Variants in SLC39A11 observed in about 807,000 individuals in gnomAD.
The protein encoded by SLC39A11 is zinc transporter ZIP11.
Under a neutral mutation model 36.1 loss-of-function variants are expected in SLC39A11, and 33 were observed. The observed-to-expected ratio is 0.91, with a 90% CI of 0.69 to 1.22. The LOEUF (loss-of-function observed/expected upper bound fraction) is 1.22, where lower values mean the gene tolerates loss of function less well. Among genes scored for constraint, SLC39A11 ranks in the 50% most tolerant of loss-of-function variants. SLC39A11 has a pLI of 0.00. For missense variants in SLC39A11, 432 were observed against 430.3 expected, an observed-to-expected ratio of 1.00 and a Z score of -0.03; for synonymous variants, 166 against 170.3, an observed-to-expected ratio of 0.97 and a Z score of 0.20.
intron 5 of SLC39A11, among the ~76,000 whole-genome samples, chr17:72,898,177 T>C (rs1442193233): frequency 6.6e-6 from 1 of 152,072 alleles, no homozygotes; most frequent in Non-Finnish European, 1.5e-5. Context: ...CCAGTTCCAG[T>C]GGACAGATGG....
chr17:72,784,878 T>A (rs1346610050), intron 6 of SLC39A11, among the ~76,000 whole-genome samples: 6 of 129,208 alleles, frequency 4.6e-5, no homozygotes, highest in East Asian at 4.3e-4. Flanking sequence ...TTTTTTTTTT[T>A]AGATGGAATC....
chr17:72,971,159 A>G (rs915623940), intron 4 of SLC39A11, among the ~76,000 whole-genome samples: 8 of 152,206 alleles, frequency 5.3e-5, no homozygotes, highest in African/African-American at 1.9e-4. Flanking sequence ...TAAAATGCAA[A>G]TAACCACTCA....
At chr17:73,036,569 C>A (rs543009263) in intron 3 of SLC39A11, among the ~76,000 whole-genome samples, 9 of 152,282 alleles carry the variant, frequency 5.9e-5, no homozygotes, top group Non-Finnish European at 1.3e-4. Context: ...GCCTCAGCCT[C>A]CTGAGCAGCT....
intron 5 of SLC39A11, among the ~76,000 whole-genome samples, chr17:72,867,623 G>C (rs1219024417): frequency 6.6e-6 from 1 of 152,124 alleles, no homozygotes; most frequent in Non-Finnish European, 1.5e-5. Context: ...ATCCACTGAA[G>C]TACTAAAAAA....
At chr17:72,777,596 A>G (rs2076177364) in intron 6 of SLC39A11, among the ~76,000 whole-genome samples, 1 of 152,174 alleles carries the variant, frequency 6.6e-6, no homozygotes, top group Non-Finnish European at 1.5e-5. Context: ...GCTAAGTTAC[A>G]CCAAGAATTA....
At chr17:72,908,223 C>G (rs557475895) in intron 5 of SLC39A11, among the ~76,000 whole-genome samples, 21 of 152,352 alleles carry the variant, frequency 1.4e-4, no homozygotes, top group Admixed American at 5.9e-4. Flanking sequence ...GGGATGTTAA[C>G]CAGCCAGCCT....
intron 3 of SLC39A11, among the ~76,000 whole-genome samples, chr17:73,055,171 G>A (rs1458364988): frequency 6.6e-4 from 100 of 152,314 alleles, no homozygotes; most frequent in Non-Finnish European, 1.5e-5. Flanking sequence ...GGAAGAGAAG[G>A]GCTCTTCTGG....
rs575946321 is a variant in SLC39A11, at chr17:72,845,864, C to T, written c.601+3770G>A. 2.0e-5 allele frequency among the ~76,000 whole-genome samples: 3 copies of T among 152,258 alleles called. No homozygotes were observed. The South Asian group carries it at 6.2e-4, about 32-fold the overall frequency. Reference sequence around the variant, plus strand: ...ACCATGCTTCTGGTGAAATCTAACTCAATTGAGATTCCTGGAAGGCACTCA... The same window carrying T: ...ACCATGCTTCTGGTGAAATCTAACTTAATTGAGATTCCTGGAAGGCACTCA... On this transcript the variant is annotated intron_variant, in intron 6 of 9. Coordinates refer to ENST00000255559, the MANE Select transcript of SLC39A11 (RefSeq NM_139177.4).
intron 6 of SLC39A11, among the ~76,000 whole-genome samples, chr17:72,738,206 G>T (rs981580235): frequency 2.0e-5 from 3 of 151,986 alleles, no homozygotes; most frequent in African/African-American, 7.2e-5. Flanking sequence ...GGCTTTCACC[G>T]TGTTAGCCAG....
intron 6 of SLC39A11, among the ~76,000 whole-genome samples, chr17:72,792,052 A>C (rs560642495): frequency 6.6e-6 from 1 of 152,300 alleles, no homozygotes; most frequent in South Asian, 2.1e-4. Context: ...TCATTTTCAC[A>C]AGTTGTTCTG....
chr17:72,897,918 G>C (rs1403919008), intron 5 of SLC39A11, among the ~76,000 whole-genome samples: 1 of 152,108 alleles, frequency 6.6e-6, no homozygotes, highest in African/African-American at 2.4e-5. Context: ...TGGAAGGTGA[G>C]ACCTGGAGGA....
chr17:72,925,526 A>C (rs911838921), intron 5 of SLC39A11, among the ~76,000 whole-genome samples: 18 of 152,154 alleles, frequency 1.2e-4, no homozygotes, highest in African/African-American at 4.3e-4. Flanking sequence ...CCAGCTCTTC[A>C]TATCTGTGTG....
At chr17:72,783,571 AC>A (rs564107297) in intron 6 of SLC39A11, among the ~76,000 whole-genome samples, 41 of 152,354 alleles carry the variant, frequency 2.7e-4, no homozygotes, top group Non-Finnish European at 5.1e-4. Flanking sequence ...AAACGAAATG[AC>A]CCAGAACAGA....
chr17:72,996,708 AC>A (rs1394420853), intron 4 of SLC39A11, among the ~76,000 whole-genome samples: 1 of 152,162 alleles, frequency 6.6e-6, no homozygotes, highest in Non-Finnish European at 1.5e-5. Context: ...TTAACTAATT[AC>A]ATCTGCAAAG....
intron 4 of SLC39A11, among the ~76,000 whole-genome samples, chr17:72,971,766 C>T (rs1420090775): frequency 7.2e-6 from 1 of 139,772 alleles, no homozygotes; most frequent in Non-Finnish European, 1.5e-5. Context: ...CACAAGTGGG[C>T]TTACAACACC....
At chr17:73,083,255 T>C (rs1042326412) in intron 3 of SLC39A11, among the ~76,000 whole-genome samples, 1 of 152,206 alleles carries the variant, frequency 6.6e-6, no homozygotes, top group Non-Finnish European at 1.5e-5. Flanking sequence ...ACAGCAGTTA[T>C]AGGGAAGAGA....
At chr17:72,724,314 T>A (rs1291919930) in intron 7 of SLC39A11, among the ~76,000 whole-genome samples, 2 of 152,120 alleles carry the variant, frequency 1.3e-5, no homozygotes, top group Non-Finnish European at 1.5e-5. Flanking sequence ...GCTCCTTTCA[T>A]TTGAGTTTTC....
intron 7 of SLC39A11, among the ~76,000 whole-genome samples, chr17:72,654,729 C>T (rs1254253136): frequency 6.6e-6 from 1 of 152,210 alleles, no homozygotes; most frequent in Non-Finnish European, 1.5e-5. Flanking sequence ...CTTTGCCAGG[C>T]ACTTGGTGGC....
chr17:72,818,212 T>C (rs529892200), intron 6 of SLC39A11, among the ~76,000 whole-genome samples: 1 of 152,326 alleles, frequency 6.6e-6, no homozygotes, highest in East Asian at 1.9e-4. Context: ...GTGTCTTCTT[T>C]TGTCCAGCCT....
Sources: allele counts gnomAD v4.1 joint callset (sites outside exome capture counted in the v4.1 genomes callset), GRCh38; gene constraint gnomAD v4.1.1; transcripts MANE v1.5; gene names NCBI Gene and HGNC (gene_info 2026-07-23, HGNC 2026-07-21).